The following TRMT9B variants were observed in gnomAD, a reference collection of about 807,000 sequenced individuals.
The protein encoded by TRMT9B is tRNA methyltransferase 9B (putative), also known as probable tRNA methyltransferase 9B.
In TRMT9B, 16 loss-of-function variants were observed where a neutral mutation model predicts 11.5. The ratio of observed to expected loss-of-function variants is 1.39; its 90% confidence interval spans 0.94 to 2.11. The LOEUF (loss-of-function observed/expected upper bound fraction) is 2.11. Among genes scored for constraint, TRMT9B ranks in the 30% most tolerant of loss-of-function variants. The pLI is 0.00. For synonymous variants in TRMT9B, 274 were observed against 192.4 expected (o/e 1.42, Z -3.51); for missense variants, 941 against 553.8 (o/e 1.70, Z -7.02).
chr8:13,027,977 C>A lies in TRMT9B; in HGVS notation c.*5933C>A, dbSNP rs913849595. 6.0e-6 allele frequency: 1 copy of A among 166,954 alleles called. No individual in the cohort carries two copies. Among genetic ancestry groups the A allele is most frequent in the Non-Finnish European group, 1.5e-5 (1 of 68,108 alleles). 10.3% of individuals were successfully genotyped at this position (166,954 alleles called of 1,614,324 possible). On this transcript the variant is annotated 3_prime_UTR_variant, in exon 5 of 5. Transcript: ENST00000524591. ...CTGAGGTGCAAACATTTAAAAAGAT[C>A]TCTCACCAAACAAGGATTGAAATTG...
chr8:12,994,551 T>C (rs1051338131), intron 2 of TRMT9B, among the ~76,000 whole-genome samples: 1 of 152,216 alleles, frequency 6.6e-6, no homozygotes, highest in Non-Finnish European at 1.5e-5. Context: ...TATGTTGGAA[T>C]TCTCAAGTTT....
intron 1 of TRMT9B, among the ~76,000 whole-genome samples, chr8:12,950,966 C>G (rs1800559769): frequency 6.6e-6 from 1 of 152,158 alleles, no homozygotes; most frequent in Non-Finnish European, 1.5e-5. Flanking sequence ...TTTTTCGTCA[C>G]TAAGAACGTG....
At position 13,021,292 on chromosome 8, in the gene TRMT9B, G is replaced by C. The variant is rs1411151651; in HGVS notation, c.613G>C (p.Glu205Gln). ...SECSCSVCFK[E>Q]QCGSKRSHSV... ...GTGTAGCTGTTCTGTTTGTTTTAAA[G>C]AGCAGTGTGGTTCAAAACGGTCCCA... Residue 205 changes from glutamate to glutamine, a missense_variant, in exon 5 of 5, where the codon GAG (glutamate) becomes CAG (glutamine). By Grantham distance (29) the Glu-to-Gln change is conservative (BLOSUM62 2). Transcript: ENST00000524591. The C allele has an allele frequency of 6.2e-7, 1 of 1,613,992 alleles. No homozygotes were observed. Among genetic ancestry groups the C allele is most frequent in the Non-Finnish European group, 8.5e-7 (1 of 1,179,862 alleles).
At position 12,999,304 on chromosome 8, in the gene TRMT9B, AAAAAAAAAAAAGAAAAG is replaced by A. The variant is rs1266700052; in HGVS notation, c.-1-6882_-1-6866del. 2.4e-3 allele frequency among the ~76,000 whole-genome samples: 356 copies of A among 148,860 alleles called. 1 individual carries two copies. Among genetic ancestry groups the A allele is most frequent in the African/African-American group, 7.9e-3 (312 of 39,352 alleles). ...ACAGAGGGAGACTCCATCTCAAAAA[AAAAAAAAAAAAGAAAAG>A]AAAAAAAAAAAGAAAGATTGTTCAG... is the stretch of plus-strand genomic sequence containing the variant. On this transcript the variant is annotated intron_variant, in intron 2 of 4. Transcript: ENST00000524591.
intron 1 of TRMT9B, among the ~76,000 whole-genome samples, chr8:12,953,089 A>G (rs551341299): frequency 6.6e-6 from 1 of 152,170 alleles, no homozygotes; most frequent in African/African-American, 2.4e-5. Context: ...TGAGCCCACA[A>G]TGCTCTATGT....
intron 1 of TRMT9B, among the ~76,000 whole-genome samples, chr8:12,954,411 A>G (rs919351158): frequency 6.6e-6 from 1 of 152,104 alleles, no homozygotes; most frequent in Non-Finnish European, 1.5e-5. Flanking sequence ...CATATTTGGC[A>G]CTATACAGGC....
rs116402965 is a variant in TRMT9B at position 12,993,632 on chromosome 8, A to T, written c.-2+2601A>T. On this transcript the variant is annotated intron_variant, in intron 2 of 4. Coordinates refer to ENST00000524591, the MANE Select transcript of TRMT9B (RefSeq NM_020844.3). ...GGGGCAAAGGTGCCAGCACTGTGAC[A>T]ACTTTGATCTTCTAGGCTGGCATTC... Among the ~76,000 whole-genome samples, 842 of 152,316 alleles carry T rather than the reference A, an allele frequency of 5.5e-3. 10 individuals are homozygous for T. The highest frequency in any genetic ancestry group is 0.02 in the African/African-American group (815 of 41,570).
intron 2 of TRMT9B, among the ~76,000 whole-genome samples, chr8:13,001,293 T>C (rs1355058546): frequency 6.6e-6 from 1 of 152,164 alleles, no homozygotes; most frequent in Non-Finnish European, 1.5e-5. Flanking sequence ...TCCCTGTAGA[T>C]CTGGTTTTCA....
chr8:13,010,361 A>G (rs1811369253), intron 3 of TRMT9B: 1 of 976,436 alleles, frequency 1.0e-6, no homozygotes, highest in African/African-American at 1.8e-5. Flanking sequence ...AAAAGAAAGA[A>G]GTTCAAAGGG....
At chr8:12,993,432 TTG>T (rs1257750153) in intron 2 of TRMT9B, among the ~76,000 whole-genome samples, 1 of 152,204 alleles carries the variant, frequency 6.6e-6, no homozygotes, top group East Asian at 1.9e-4. Context: ...TAAGAATGTA[TTG>T]TGTCTCCAGC....
chr8:12,946,422 T>C (rs1421780514), intron 1 of TRMT9B, among the ~76,000 whole-genome samples: 6 of 152,050 alleles, frequency 3.9e-5, no homozygotes, highest in African/African-American at 7.2e-5. Context: ...TGGTCACCCA[T>C]GGGCTATGAA....
chr8:12,970,401 G>A (rs542465112), intron 1 of TRMT9B, among the ~76,000 whole-genome samples: 36 of 152,304 alleles, frequency 2.4e-4, no homozygotes, highest in African/African-American at 8.2e-4. Flanking sequence ...TAACAGTGAA[G>A]AGAGCACATT....
chr8:12,996,980 ATTTTATTTTATT>A (rs1354185747), intron 2 of TRMT9B, among the ~76,000 whole-genome samples: 2 of 70,290 alleles, frequency 2.8e-5, no homozygotes, highest in African/African-American at 1.3e-4. Flanking sequence ...ATTTTATTTT[ATTTTATTTTATT>A]TTATTTTATT....
intron 3 of TRMT9B, chr8:13,012,030 G>T (rs1258949569): frequency 3.3e-5 from 33 of 985,248 alleles, no homozygotes; most frequent in Middle Eastern, 5.2e-4. Flanking sequence ...ATGAATGTGA[G>T]CTTAGAGGCT....
At chr8:12,988,092 G>C (rs1054934607) in intron 1 of TRMT9B, among the ~76,000 whole-genome samples, 1 of 152,130 alleles carries the variant, frequency 6.6e-6, no homozygotes, top group Non-Finnish European at 1.5e-5. Context: ...TATTGGCTTT[G>C]TGTCTTTCTT....
chr8:12,984,995 TC>T (rs1806031052), intron 1 of TRMT9B, among the ~76,000 whole-genome samples: 3 of 149,972 alleles, frequency 2.0e-5, no homozygotes, highest in African/African-American at 7.5e-5. Context: ...ACACTCTCTC[TC>T]TCACACTCCC....
chr8:13,015,049 A>G (rs1812366400), intron 4 of TRMT9B, among the ~76,000 whole-genome samples: 1 of 150,556 alleles, frequency 6.6e-6, no homozygotes. Context: ...ACAGAGTGAG[A>G]CTCCATCTGA....
rs763195010 is a variant in TRMT9B at position 13,021,868 on chromosome 8, G to C, written c.1189G>C (p.Asp397His). ...FNPDDTMSVEDPQTDVLDSTA... is the reference protein window; with the variant it reads ...FNPDDTMSVEHPQTDVLDSTA... ...CCCAGATGATACAATGTCTGTCGAA[G>C]ATCCACAGACTGATGTTTTGGACTC... Residue 397 changes from aspartate (D) to histidine (H), a missense_variant, in exon 5 of 5, where the codon GAT (aspartate) becomes CAT (histidine). Coordinates refer to ENST00000524591, the MANE Select transcript of TRMT9B (RefSeq NM_020844.3). 2.5e-6 allele frequency: 4 copies of C among 1,613,906 alleles called. No individual in the cohort carries two copies. Among genetic ancestry groups the C allele is most frequent in the Non-Finnish European group, 3.4e-6 (4 of 1,179,884 alleles).
Position 13,025,351 on chromosome 8 carries a change from T to G in TRMT9B, c.*3307T>G, listed in dbSNP as rs1339921203. The G allele has an allele frequency of 1.2e-5, 2 of 163,298 alleles. No individual in the cohort carries two copies. Among genetic ancestry groups the G allele is most frequent in the Non-Finnish European group, 2.9e-5 (2 of 68,204 alleles). The allele number at this position is 163,298 out of a possible 1,614,324, so 10.1% of individuals were successfully genotyped here. On this transcript the variant is annotated 3_prime_UTR_variant, in exon 5 of 5. Transcript: ENST00000524591. ...CTGACCAACATGGTGAAACCCCGTC[T>G]TTATTAAATACAAAAAATTAGCCAG...
Sources: gnomAD v4.1 joint callset for allele counts (sites outside exome capture counted in the v4.1 genomes callset) on GRCh38, gnomAD v4.1.1 for gene constraint, MANE v1.5 for transcripts, NCBI Gene and HGNC (gene_info 2026-07-23, HGNC 2026-07-21) for gene names.